SHISA9: variants seen among roughly 807,000 people sequenced by gnomAD.
SHISA9 encodes protein shisa-9.
SHISA9 carries 13 observed loss-of-function variants against 38.0 expected under a neutral mutation model. The ratio of observed to expected loss-of-function variants is 0.34; its 90% confidence interval spans 0.22 to 0.54. SHISA9 has a LOEUF of 0.54. Ranked by LOEUF, SHISA9 falls within the 20% of genes least tolerant of loss-of-function variation. SHISA9 has a pLI of 0.91. For synonymous variants in SHISA9, 275 were observed against 242.0 expected, an observed-to-expected ratio of 1.14 and a Z score of -1.27; for missense variants, 538 against 575.8, an observed-to-expected ratio of 0.93 and a Z score of 0.67.
chr16:13,505,875 A>G, the SHISA9 span, among the ~76,000 whole-genome samples: 1,606 of 152,294 alleles, frequency 0.011, 32 homozygotes, highest in African/African-American at 0.037. Flanking sequence ...GTGTTGACCC[A>G]TCTTTTTCTG....
chr16:13,159,052 C>A (rs1467700354), intron 2 of SHISA9, among the ~76,000 whole-genome samples: 1 of 124,906 alleles, frequency 8.0e-6, no homozygotes, highest in East Asian at 2.4e-4. Flanking sequence ...GAGCGAGACT[C>A]TGTCTCAAAA....
At chr16:13,036,646 T>A (rs1314422454) in intron 2 of SHISA9, among the ~76,000 whole-genome samples, 1 of 152,142 alleles carries the variant, frequency 6.6e-6, no homozygotes, top group African/African-American at 2.4e-5. Context: ...AAGTTGATTT[T>A]CAAAGAGACC....
At chr16:13,429,332 G>A in the SHISA9 span, among the ~76,000 whole-genome samples, 17 of 152,164 alleles carry the variant, frequency 1.1e-4, no homozygotes, top group Non-Finnish European at 1.6e-4. Flanking sequence ...AGCCAACAGA[G>A]TTGGTTTTTT....
chr16:13,104,769 G>T (rs1396274817), intron 2 of SHISA9, among the ~76,000 whole-genome samples: 1 of 152,116 alleles, frequency 6.6e-6, no homozygotes, highest in East Asian at 1.9e-4. Flanking sequence ...AAAACTGGAG[G>T]ATAATCGAAA....
intron 2 of SHISA9, among the ~76,000 whole-genome samples, chr16:13,163,648 G>A (rs2050613479): frequency 6.6e-6 from 1 of 151,918 alleles, no homozygotes; most frequent in African/African-American, 2.4e-5. Context: ...ATTTATTTAG[G>A]TCTTTTAAAA....
chr16:13,271,293 T>C, the SHISA9 span, among the ~76,000 whole-genome samples: 1 of 152,166 alleles, frequency 6.6e-6, no homozygotes, highest in African/African-American at 2.4e-5. Context: ...CCCTGGTTTG[T>C]AGAATCACCT....
the SHISA9 span, among the ~76,000 whole-genome samples, chr16:13,362,503 A>C: frequency 1.5e-4 from 23 of 152,306 alleles, no homozygotes; most frequent in African/African-American, 5.5e-4. Flanking sequence ...GGAGCTGAAG[A>C]GGACAGTATT....
chr16:13,005,543 T>C (rs1308364022), intron 2 of SHISA9, among the ~76,000 whole-genome samples: 2 of 152,332 alleles, frequency 1.3e-5, no homozygotes, highest in African/African-American at 2.4e-5. Flanking sequence ...CGGAGTTTTC[T>C]TCCTTTTGCT....
chr16:13,522,154 G>C, the SHISA9 span, among the ~76,000 whole-genome samples: 2 of 152,154 alleles, frequency 1.3e-5, no homozygotes, highest in Non-Finnish European at 2.9e-5. Context: ...GGAGATCATT[G>C]TTAGCAAGAG....
At chr16:13,455,434 G>A in the SHISA9 span, among the ~76,000 whole-genome samples, 1 of 152,144 alleles carries the variant, frequency 6.6e-6, no homozygotes, top group Non-Finnish European at 1.5e-5. Flanking sequence ...AGGGATTTAT[G>A]TAGAAACCAG....
chr16:13,554,217 A>G, the SHISA9 span, among the ~76,000 whole-genome samples: 1 of 151,638 alleles, frequency 6.6e-6, no homozygotes, highest in Non-Finnish European at 1.5e-5. Context: ...ACCAAGCTAC[A>G]TACTCCAGGA....
At chr16:13,176,109 T>C (rs1019525836) in intron 2 of SHISA9, among the ~76,000 whole-genome samples, 1 of 152,182 alleles carries the variant, frequency 6.6e-6, no homozygotes, top group Non-Finnish European at 1.5e-5. Context: ...CGTGTTTTTT[T>C]AATAAAAACC....
intron 2 of SHISA9, among the ~76,000 whole-genome samples, chr16:13,126,517 GAGAT>G (rs909929156): frequency 6.7e-6 from 1 of 149,828 alleles, no homozygotes; most frequent in African/African-American, 2.5e-5. Context: ...GAGGGGGAGA[GAGAT>G]GGAGGGAGAG....
chr16:12,913,048 C>CTGTT (rs60377268), intron 1 of SHISA9, among the ~76,000 whole-genome samples: 9,320 of 151,902 alleles, frequency 0.061, 968 homozygotes, highest in African/African-American at 0.21. Context: ...TCCCTCCTTT[C>CTGTT]TATTTGTAAC....
chr16:13,529,661 T>G, the SHISA9 span, among the ~76,000 whole-genome samples: 26 of 152,188 alleles, frequency 1.7e-4, no homozygotes, highest in Non-Finnish European at 2.6e-4. Context: ...CCTTGCAATA[T>G]GTGACAGAGT....
the SHISA9 span, among the ~76,000 whole-genome samples, chr16:13,476,997 C>T: frequency 2.0e-5 from 3 of 152,004 alleles, no homozygotes; most frequent in African/African-American, 7.2e-5. Context: ...CTGCCCGCCT[C>T]GGCCTCCCAA....
Position 13,086,516 on chromosome 16 carries a change from G to C in SHISA9, c.692-116878G>C, listed in dbSNP as rs948917723. ...GATAGACCAGGATGCAAAAAAAGGA[G>C]ACTTGAGAATGGATTGGAAGAAGTC... On this transcript the variant is annotated intron_variant, in intron 2 of 4. Transcript: ENST00000558583. 5.3e-5 allele frequency among the ~76,000 whole-genome samples: 8 copies of C among 152,140 alleles called. No homozygotes were observed. In the South Asian group the frequency reaches 8.3e-4, roughly 16 times the overall value.
chr16:13,023,939 T>A (rs968444166), intron 2 of SHISA9, among the ~76,000 whole-genome samples: 3 of 152,162 alleles, frequency 2.0e-5, no homozygotes, highest in African/African-American at 7.2e-5. Context: ...TGGGAAGGGA[T>A]GATAACAACA....
chr16:12,942,436 AG>A (rs1186893117), intron 2 of SHISA9, among the ~76,000 whole-genome samples: 1 of 152,222 alleles, frequency 6.6e-6, no homozygotes, highest in Non-Finnish European at 1.5e-5. Context: ...CACAGAATCA[AG>A]TTGACCAACC....
Sources: gnomAD v4.1 joint callset for allele counts (sites outside exome capture counted in the v4.1 genomes callset) on GRCh38, gnomAD v4.1.1 for gene constraint, MANE v1.5 for transcripts, NCBI Gene and HGNC (gene_info 2026-07-23, HGNC 2026-07-21) for gene names.